The following ADARB2 variants were observed in gnomAD, a reference collection of about 807,000 sequenced individuals.
ADARB2 encodes inactive double-stranded RNA-specific editase B2.
Under a neutral mutation model 62.2 loss-of-function variants are expected in ADARB2, and 25 were observed. That is an observed-to-expected ratio of 0.40 (90% confidence interval 0.29 to 0.56). The LOEUF (loss-of-function observed/expected upper bound fraction) is 0.56, where lower values mean the gene tolerates loss of function less well. ADARB2 is among the 20% of genes least tolerant of loss of function. The pLI, the probability that ADARB2 is intolerant of heterozygous loss-of-function variation, is 0.43. For synonymous variants in ADARB2, 572 were observed against 500.8 expected (o/e 1.14, Z -1.90); for missense variants, 1,071 against 1,077.4 (o/e 0.99, Z 0.08).
chr10:1,289,267 T>G (rs529984631), intron 3 of ADARB2, among the ~76,000 whole-genome samples: 2 of 152,344 alleles, frequency 1.3e-5, no homozygotes, highest in East Asian at 3.9e-4. Flanking sequence ...ACTGAACCAA[T>G]GTCAATCCTA....
intron 1 of ADARB2, among the ~76,000 whole-genome samples, chr10:1,703,347 G>A (rs1834847757): frequency 1.3e-5 from 2 of 152,190 alleles, no homozygotes; most frequent in Admixed American, 1.3e-4. Flanking sequence ...GGCCTGTGGG[G>A]ACCTGGAGGA....
Position 1,573,806 on chromosome 10 carries a change from C to T in ADARB2, c.100+163245G>A, listed in dbSNP as rs181851594. On this transcript the variant is annotated intron_variant, in intron 1 of 9. Coordinates refer to ENST00000381312, the MANE Select transcript of ADARB2 (RefSeq NM_018702.4). ...GGGGCACCCTGGGCTGCAAGCTCAA[C>T]GGGGTCTTGTGAGGCCCTCCTGCCG... Among the ~76,000 whole-genome samples, 529 of 152,272 alleles carry T rather than the reference C, an allele frequency of 3.5e-3. 2 individuals carry two copies. Among genetic ancestry groups the T allele is most frequent in the African/African-American group, 0.012 (506 of 41,568 alleles).
chr10:1,234,737 CTTTTTTTTTTTTTTTTTT>C (rs71376899), intron 5 of ADARB2, among the ~76,000 whole-genome samples: 3 of 53,606 alleles, frequency 5.6e-5, no homozygotes, highest in South Asian at 1.0e-3. Context: ...CGACCATGAT[CTTTTTTTTTTTTTTTTTT>C]TTTTTTTTTT....
chr10:1,720,316 G>C lies in ADARB2; in HGVS notation c.100+16735C>G, dbSNP rs115919137. ...ACATGTTCTCACTTATAAGTGGGAG[G>C]TAAACACTGAGTATTCATGGACACA... is the stretch of plus-strand genomic sequence containing the variant. On this transcript the variant is annotated intron_variant, in intron 1 of 9. Transcript: ENST00000381312. Among the ~76,000 whole-genome samples, 1,332 of 152,266 alleles carry C rather than the reference G, an allele frequency of 8.7e-3. 20 individuals carry two copies. Among genetic ancestry groups the C allele is most frequent in the Middle Eastern group, 0.044 (13 of 294 alleles).
intron 1 of ADARB2, among the ~76,000 whole-genome samples, chr10:1,619,283 T>A (rs1395461550): frequency 1.9e-5 from 2 of 106,168 alleles, no homozygotes; most frequent in East Asian, 3.2e-4. Flanking sequence ...ACAAATACAT[T>A]GAAAGTAAAA....
At chr10:1,694,803 A>G (rs1834718272) in intron 1 of ADARB2, among the ~76,000 whole-genome samples, 1 of 152,040 alleles carries the variant, frequency 6.6e-6, no homozygotes, top group African/African-American at 2.4e-5. Context: ...AGGGAGGGTT[A>G]TGGGGTTAGG....
chr10:1,720,050 G>A (rs1835071160), intron 1 of ADARB2, among the ~76,000 whole-genome samples: 1 of 152,138 alleles, frequency 6.6e-6, no homozygotes, highest in Non-Finnish European at 1.5e-5. Context: ...CAAATAAATT[G>A]TTCTGCTTAA....
rs138091163 is a variant in ADARB2 at position 1,285,699 on chromosome 10, A to G, written c.1078-14630T>C. Reference sequence around the variant, plus strand: ...ATTTTGCCTATTGGCTCCGATTACCATGGCAAATTACCAGCATTATTCACA... The same window carrying G: ...ATTTTGCCTATTGGCTCCGATTACCGTGGCAAATTACCAGCATTATTCACA... On this transcript the variant is annotated intron_variant, in intron 3 of 9. Transcript: ENST00000381312. Among the ~76,000 whole-genome samples, 15 of 152,328 alleles carry G rather than the reference A, an allele frequency of 9.8e-5. 1 individual carries two copies. In the East Asian group the frequency reaches 2.3e-3, roughly 23 times the overall value.
At chr10:1,627,185 G>T (rs1327233951) in intron 1 of ADARB2, among the ~76,000 whole-genome samples, 1 of 152,008 alleles carries the variant, frequency 6.6e-6, no homozygotes, top group East Asian at 1.9e-4. Flanking sequence ...AATAACTTGG[G>T]ACGTGCACAA....
At chr10:1,629,065 G>T (rs1452985962) in intron 1 of ADARB2, among the ~76,000 whole-genome samples, 2 of 152,250 alleles carry the variant, frequency 1.3e-5, no homozygotes, top group Non-Finnish European at 2.9e-5. Flanking sequence ...GTGAGGACAG[G>T]CGTGAAACTG....
chr10:1,330,307 C>T (rs528450232), intron 3 of ADARB2, among the ~76,000 whole-genome samples: 3 of 152,274 alleles, frequency 2.0e-5, no homozygotes, highest in East Asian at 3.9e-4. Flanking sequence ...TGGTGACCTT[C>T]GATTGCATGA....
At chr10:1,528,338 C>T (rs954171776) in intron 1 of ADARB2, among the ~76,000 whole-genome samples, 7 of 152,154 alleles carry the variant, frequency 4.6e-5, no homozygotes, top group African/African-American at 1.4e-4. Flanking sequence ...GCGTTGGTAT[C>T]GATGTTTGGA....
chr10:1,736,073 T>C (rs1316649550), intron 1 of ADARB2, among the ~76,000 whole-genome samples: 1 of 152,206 alleles, frequency 6.6e-6, no homozygotes, highest in Non-Finnish European at 1.5e-5. Context: ...TTCTTTATAC[T>C]TCTACCTCAC....
chr10:1,678,271 ACCTCGGGGTGAGCGT>A (rs1270972695), intron 1 of ADARB2: 8 of 982,618 alleles, frequency 8.1e-6, no homozygotes, highest in South Asian at 4.7e-5. Context: ...AGGGTGAGGG[ACCTCGGGGTGAGCGT>A]CCTCGGGGTG....
intron 1 of ADARB2, among the ~76,000 whole-genome samples, chr10:1,553,767 C>T (rs2131980407): frequency 6.6e-6 from 1 of 152,272 alleles, no homozygotes; most frequent in Middle Eastern, 3.4e-3. Context: ...AGGCAGAAGA[C>T]ACTTGTGCTC....
chr10:1,190,856 T>C (rs1175653662), intron 8 of ADARB2, among the ~76,000 whole-genome samples: 1 of 152,194 alleles, frequency 6.6e-6, no homozygotes, highest in Non-Finnish European at 1.5e-5. Context: ...AATTTACAGG[T>C]CAGGGATTAG....
chr10:1,497,027 C>T (rs1197758151), intron 1 of ADARB2, among the ~76,000 whole-genome samples: 3 of 152,136 alleles, frequency 2.0e-5, no homozygotes, highest in Non-Finnish European at 4.4e-5. Context: ...CCAGCCCTGC[C>T]TCTAGCTGGA....
At chr10:1,683,421 CAGA>C (rs1412728846) in intron 1 of ADARB2, among the ~76,000 whole-genome samples, 4 of 152,140 alleles carry the variant, frequency 2.6e-5, no homozygotes, top group Non-Finnish European at 4.4e-5. Context: ...ATTCGAAAGG[CAGA>C]AGAAGTAGTG....
At chr10:1,469,130 C>A (rs1831291511) in intron 1 of ADARB2, among the ~76,000 whole-genome samples, 2 of 152,192 alleles carry the variant, frequency 1.3e-5, no homozygotes, top group Non-Finnish European at 2.9e-5. Flanking sequence ...AAGTGCTGAT[C>A]ACAGACACTG....
Sources: gnomAD v4.1 joint callset for allele counts (sites outside exome capture counted in the v4.1 genomes callset) on GRCh38, gnomAD v4.1.1 for gene constraint, MANE v1.5 for transcripts, NCBI Gene and HGNC (gene_info 2026-07-23, HGNC 2026-07-21) for gene names.